SIK2: variants seen among roughly 807,000 people sequenced by gnomAD.
SIK2 encodes the protein salt inducible kinase 2.
SIK2 carries 29 observed loss-of-function variants against 103.2 expected under a neutral mutation model. The ratio of observed to expected loss-of-function variants is 0.28; its 90% CI spans 0.21 to 0.38. The LOEUF is 0.38. SIK2 is among the 10% of genes least tolerant of loss of function. The pLI is 1.00. For missense variants in SIK2, 879 were observed against 1,171.0 expected (o/e 0.75, Z 3.64); for synonymous variants, 412 against 446.1 (o/e 0.92, Z 0.96).
chr11:111,717,622 A>ATTATCT (rs1326746395), intron 9 of SIK2, among the ~76,000 whole-genome samples: 1 of 152,232 alleles, frequency 6.6e-6, no homozygotes, highest in Non-Finnish European at 1.5e-5. Flanking sequence ...AAATCATTCT[A>ATTATCT]TTATAAAGAT....
chr11:111,700,696 C>T (rs1447602992), intron 4 of SIK2, among the ~76,000 whole-genome samples, 190 bp from the exon 5 acceptor site: 1 of 152,216 alleles, frequency 6.6e-6, no homozygotes, highest in Non-Finnish European at 1.5e-5. Context: ...CATTCAGCAA[C>T]ATTCCTTGAG....
At chr11:111,689,180 CA>C (rs1378122367) in intron 4 of SIK2, among the ~76,000 whole-genome samples, 2 of 152,014 alleles carry the variant, frequency 1.3e-5, no homozygotes, top group Non-Finnish European at 2.9e-5. Context: ...AGGATTGATA[CA>C]GGGGGAGCAG....
At position 111,636,322 on chromosome 11, in the gene SIK2, C is replaced by T. The variant is rs369667574; in HGVS notation, c.316+15920C>T. On this transcript the variant is annotated intron_variant, in intron 3 of 14. Coordinates refer to ENST00000304987, the MANE Select transcript of SIK2 (RefSeq NM_015191.3). The stretch of plus-strand genomic sequence containing the variant: ...TATTTCTGAAAATGCCTTTGTTTTA[C>T]TCTCATATGTGAATAGTCTAATTAT... 3.3e-5 allele frequency among the ~76,000 whole-genome samples: 5 copies of T among 152,274 alleles called. No individual in the cohort carries two copies. The East Asian group carries it at 9.6e-4, about 29-fold the overall frequency.
At position 111,673,804 on chromosome 11, in the gene SIK2, G is replaced by A. The variant is rs181919840; in HGVS notation, c.317-14197G>A. Among the ~76,000 whole-genome samples, 411 of 152,304 alleles carry A rather than the reference G, an allele frequency of 2.7e-3. 1 individual carries two copies. The highest frequency in any genetic ancestry group is 6.8e-3 in the Middle Eastern group (2 of 294). ...AGCATCCTCAGAGAGGCTGGGCGTGGTGGTTCACACCTGTAATCCTAGCAT... is the reference window on the plus strand; with the variant it reads ...AGCATCCTCAGAGAGGCTGGGCGTGATGGTTCACACCTGTAATCCTAGCAT... On this transcript the variant is annotated intron_variant, in intron 3 of 14. Coordinates refer to ENST00000304987, the MANE Select transcript of SIK2 (RefSeq NM_015191.3).
At chr11:111,686,679 T>A (rs1444763657) in intron 3 of SIK2, among the ~76,000 whole-genome samples, 3 of 152,242 alleles carry the variant, frequency 2.0e-5, no homozygotes, top group Non-Finnish European at 2.9e-5. Context: ...GGGTGAAATG[T>A]TAATGAGTGG....
chr11:111,726,260 C>T lies in SIK2; in HGVS notation c.*2131C>T, dbSNP rs561496968. On this transcript the variant is annotated 3_prime_UTR_variant, in exon 15 of 15. Coordinates refer to ENST00000304987, the MANE Select transcript of SIK2 (RefSeq NM_015191.3). ...CTGCAGGAATGGTGTAGTTACAGATCGACATAAACTCCTGCCCCCCAACAA... is the reference window on the plus strand; with the variant it reads ...CTGCAGGAATGGTGTAGTTACAGATTGACATAAACTCCTGCCCCCCAACAA... The T allele has an allele frequency of 3.9e-5, 6 of 152,168 alleles. No individual in the cohort carries two copies. Among genetic ancestry groups the T allele is most frequent in the Non-Finnish European group, 8.8e-5 (6 of 68,040 alleles). 9.4% of individuals were successfully genotyped at this position (152,168 alleles called of 1,614,324 possible).
chr11:111,669,027 A>G (rs183289256), intron 3 of SIK2, among the ~76,000 whole-genome samples: 101 of 152,362 alleles, frequency 6.6e-4, no homozygotes, highest in African/African-American at 2.4e-3. Context: ...AGGGTGCCCA[A>G]TACTTTATTA....
At chr11:111,644,790 CAT>C (rs1285077748) in intron 3 of SIK2, among the ~76,000 whole-genome samples, 1 of 152,168 alleles carries the variant, frequency 6.6e-6, no homozygotes, top group Non-Finnish European at 1.5e-5. Flanking sequence ...GTTGGAATCT[CAT>C]ATATAAGTTA....
intron 3 of SIK2, among the ~76,000 whole-genome samples, chr11:111,660,585 T>G (rs183478347): frequency 1.6e-4 from 24 of 152,338 alleles, no homozygotes; most frequent in South Asian, 4.1e-4. Context: ...ATCAGTCTTC[T>G]GAAATCTTAT....
chr11:111,707,950 T>C (rs1256246416), intron 8 of SIK2, among the ~76,000 whole-genome samples: 6 of 152,166 alleles, frequency 3.9e-5, no homozygotes, highest in Non-Finnish European at 7.3e-5. Context: ...GCTACCAAGA[T>C]ACAGTTAGTT....
chr11:111,637,611 C>G lies in SIK2; in HGVS notation c.316+17209C>G, dbSNP rs144959519. ...AGTAGCTGGGTTTACAGGTGCCCAC[C>G]ACCACGCCTGGCTGATTTTTTTGTA... On this transcript the variant is annotated intron_variant, in intron 3 of 14. Coordinates refer to ENST00000304987, the MANE Select transcript of SIK2 (RefSeq NM_015191.3). Among the ~76,000 whole-genome samples, 205 of 152,048 alleles carry G rather than the reference C, an allele frequency of 1.3e-3. 2 individuals are homozygous for G. Among genetic ancestry groups the G allele is most frequent in the African/African-American group, 4.5e-3 (186 of 41,476 alleles).
chr11:111,663,546 A>T (rs909864182), intron 3 of SIK2, among the ~76,000 whole-genome samples: 1 of 152,108 alleles, frequency 6.6e-6, no homozygotes, highest in African/African-American at 2.4e-5. Flanking sequence ...GTGAGACTGG[A>T]AGCCAGTGGA....
intron 4 of SIK2, among the ~76,000 whole-genome samples, chr11:111,692,894 T>C (rs1392678221): frequency 2.0e-5 from 3 of 152,070 alleles, no homozygotes; most frequent in Non-Finnish European, 4.4e-5. Context: ...ATCTTGTATA[T>C]TGAAATTGAA....
At chr11:111,670,907 G>A (rs982714368) in intron 3 of SIK2, 8 of 157,548 alleles carry the variant, frequency 5.1e-5, no homozygotes, top group Non-Finnish European at 9.8e-5. Context: ...ACAGGCTCTG[G>A]GACAGCCACA....
intron 4 of SIK2, among the ~76,000 whole-genome samples, chr11:111,696,933 A>G (rs1179638270): frequency 6.6e-6 from 1 of 152,224 alleles, no homozygotes; most frequent in African/African-American, 2.4e-5. Context: ...TTAGGCAGAA[A>G]GCTGCAGACT....
chr11:111,606,019 T>C (rs1340396464), intron 1 of SIK2, among the ~76,000 whole-genome samples: 1 of 152,186 alleles, frequency 6.6e-6, no homozygotes, highest in Non-Finnish European at 1.5e-5. Flanking sequence ...ATTAGCATAA[T>C]GGGAAAAGAA....
chr11:111,723,688 T>C lies in SIK2; in HGVS notation c.2340T>C (p.Pro780=). 1 of 1,613,968 alleles carries C rather than the reference T, an allele frequency of 6.2e-7. No homozygotes were observed. The highest frequency in any genetic ancestry group is 2.2e-5 in the East Asian group (1 of 44,872). Residue 780 remains proline, a synonymous_variant, in exon 15 of 15, where the codon CCT becomes CCC. Transcript: ENST00000304987. ...AGCCCCTGAGCCCCGTCCTGGAGCC[T>C]TCCTCCGAGCAGATGCAATACAGCC... is the stretch of plus-strand genomic sequence containing the variant. ...LTQPLSPVLE[P]SSEQMQYSPF... is the part of the protein sequence containing the mutation.
At chr11:111,676,550 G>A (rs1942706142) in intron 3 of SIK2, among the ~76,000 whole-genome samples, 1 of 152,024 alleles carries the variant, frequency 6.6e-6, no homozygotes, top group Admixed American at 6.6e-5. Flanking sequence ...CATCCAGCTT[G>A]GCTTCATTGT....
At chr11:111,643,016 A>C (rs1942205364) in intron 3 of SIK2, among the ~76,000 whole-genome samples, 1 of 152,076 alleles carries the variant, frequency 6.6e-6, no homozygotes, top group Non-Finnish European at 1.5e-5. Flanking sequence ...ATTTCACTTT[A>C]TTTGTGAAAC....
Sources: allele counts gnomAD v4.1 joint callset (sites outside exome capture counted in the v4.1 genomes callset), GRCh38; gene constraint gnomAD v4.1.1; transcripts MANE v1.5; gene names NCBI Gene and HGNC (gene_info 2026-07-23, HGNC 2026-07-21).